The following ATF2 variants were observed in gnomAD, a reference collection of about 807,000 sequenced individuals.
The protein encoded by ATF2 is activating transcription factor 2, also known as cyclic AMP-dependent transcription factor ATF-2.
A neutral mutation model predicts 60.6 loss-of-function variants in ATF2; 24 were observed. That is an observed-to-expected ratio of 0.40 (90% CI 0.29 to 0.56). ATF2 has a LOEUF of 0.56. Among genes scored for constraint, ATF2 ranks in the 20% least tolerant of loss-of-function variants. The pLI is 0.54. For synonymous variants in ATF2, 206 were observed against 215.4 expected, an observed-to-expected ratio of 0.96 and a Z score of 0.38; for missense variants, 433 against 607.7, an observed-to-expected ratio of 0.71 and a Z score of 3.02.
At chr2:175,081,023 G>A (rs1277588848) in intron 12 of ATF2, among the ~76,000 whole-genome samples, 2 of 151,948 alleles carry the variant, frequency 1.3e-5, no homozygotes, top group African/African-American at 4.8e-5. Context: ...CCATTTCCCT[G>A]GGACTTCTTA....
At chr2:175,140,160 T>A (rs1338987430) in intron 2 of ATF2, among the ~76,000 whole-genome samples, 3 of 152,192 alleles carry the variant, frequency 2.0e-5, no homozygotes, top group East Asian at 1.9e-4. Flanking sequence ...CATTCTGGAA[T>A]GTTTACAATG....
intron 1 of ATF2, among the ~76,000 whole-genome samples, chr2:175,163,790 G>A (rs1229663479): frequency 6.6e-6 from 1 of 151,278 alleles, no homozygotes; most frequent in Non-Finnish European, 1.5e-5. Context: ...AGGTGTGGTG[G>A]CGGGCACCTG....
chr2:175,134,401 A>C (rs1697983068), intron 3 of ATF2, among the ~76,000 whole-genome samples: 2 of 152,118 alleles, frequency 1.3e-5, no homozygotes, highest in East Asian at 3.9e-4. Context: ...AAAAAAAACG[A>C]CTGATTTTCA....
chr2:175,105,972 C>T (rs902369419), intron 10 of ATF2, among the ~76,000 whole-genome samples: 4 of 151,896 alleles, frequency 2.6e-5, no homozygotes, highest in African/African-American at 9.7e-5. Context: ...AATTTGTGCA[C>T]AGAGGAAATT....
chr2:175,099,049 A>T (rs1242845782), intron 10 of ATF2, among the ~76,000 whole-genome samples: 1 of 151,872 alleles, frequency 6.6e-6, no homozygotes, highest in Non-Finnish European at 1.5e-5. Context: ...TTCTTGAGAT[A>T]TAAGTTACAC....
intron 10 of ATF2, among the ~76,000 whole-genome samples, 164 bp from the exon 11 acceptor site, chr2:175,097,757 A>G (rs2072537): frequency 0.055 from 8,420 of 152,246 alleles, 265 homozygotes; most frequent in East Asian, 0.12. Context: ...TGAGAAAATA[A>G]TAATAAAGGC....
intron 11 of ATF2, among the ~76,000 whole-genome samples, chr2:175,096,171 A>G (rs765597006): frequency 3.9e-5 from 6 of 152,256 alleles, no homozygotes; most frequent in Admixed American, 6.5e-5. Flanking sequence ...TCAAGTAAAG[A>G]TAAAAGGTCT....
chr2:175,160,632 A>G (rs1699962416), intron 1 of ATF2, among the ~76,000 whole-genome samples: 1 of 152,222 alleles, frequency 6.6e-6, no homozygotes, highest in East Asian at 1.9e-4. Flanking sequence ...TTGTATAATT[A>G]GCAGAGACTT....
chr2:175,165,363 T>C (rs1700285306), intron 1 of ATF2, among the ~76,000 whole-genome samples: 2 of 152,208 alleles, frequency 1.3e-5, no homozygotes, highest in South Asian at 4.1e-4. Context: ...GTATATTTCA[T>C]ATTGGAAGGA....
At position 175,075,034 on chromosome 2, in the gene ATF2, A is replaced by T. The variant is rs79907460; in HGVS notation, c.1292-199T>A. 748 of 1,445,296 alleles carry T rather than the reference A, an allele frequency of 5.2e-4. 2 individuals carry two copies. Among genetic ancestry groups the T allele is most frequent in the Non-Finnish European group, 6.4e-4 (697 of 1,096,740 alleles). The allele number at this position is 1,445,296 out of a possible 1,614,324, so 89.5% of individuals were successfully genotyped here. On this transcript the variant is annotated intron_variant, in intron 13 of 13. Coordinates refer to ENST00000264110, the MANE Select transcript of ATF2 (RefSeq NM_001880.4). Reference sequence around the variant, plus strand: ...GTCAAAAGAAGGCACAACCATGCATATGGAAACATCTGGGTGCCCACTGCC... The same window carrying T: ...GTCAAAAGAAGGCACAACCATGCATTTGGAAACATCTGGGTGCCCACTGCC...
intron 2 of ATF2, among the ~76,000 whole-genome samples, chr2:175,137,598 AT>A (rs1698227950): frequency 6.6e-6 from 1 of 152,118 alleles, no homozygotes; most frequent in Admixed American, 6.5e-5. Flanking sequence ...TGGAAGTACA[AT>A]TTTCAATTAA....
At chr2:175,141,049 A>ATG (rs1698500950) in intron 2 of ATF2, among the ~76,000 whole-genome samples, 1 of 126,818 alleles carries the variant, frequency 7.9e-6, no homozygotes, top group South Asian at 2.6e-4. Flanking sequence ...ATATATATAT[A>ATG]TATGTATATA....
chr2:175,154,412 A>G (rs747823252), intron 1 of ATF2, among the ~76,000 whole-genome samples: 11 of 151,876 alleles, frequency 7.2e-5, no homozygotes, highest in Non-Finnish European at 1.6e-4. Flanking sequence ...ATCACCTATG[A>G]TAACAACGCC....
At chr2:175,124,146 T>C (rs1300788869) in intron 4 of ATF2, among the ~76,000 whole-genome samples, 1 of 151,920 alleles carries the variant, frequency 6.6e-6, no homozygotes, top group Non-Finnish European at 1.5e-5. Flanking sequence ...ACATACTGAA[T>C]TCATAAACTG....
chr2:175,130,595 A>G (rs996335480), intron 3 of ATF2, among the ~76,000 whole-genome samples: 2 of 152,138 alleles, frequency 1.3e-5, no homozygotes, highest in Non-Finnish European at 1.5e-5. Flanking sequence ...CTCCAGTCCT[A>G]TATTCTAGTG....
chr2:175,106,200 C>T (rs1488853917), intron 10 of ATF2, among the ~76,000 whole-genome samples: 2 of 152,034 alleles, frequency 1.3e-5, no homozygotes, highest in South Asian at 2.1e-4. Context: ...AATATACGTA[C>T]CTCTCTCTCT....
At chr2:175,157,738 T>C (rs2105350348) in intron 1 of ATF2, among the ~76,000 whole-genome samples, 1 of 152,322 alleles carries the variant, frequency 6.6e-6, no homozygotes, top group Middle Eastern at 3.4e-3. Flanking sequence ...CTCATGCCTG[T>C]AATCCCAGCA....
intron 13 of ATF2, among the ~76,000 whole-genome samples, chr2:175,075,812 T>C (rs539248368): frequency 1.5e-4 from 23 of 152,304 alleles, no homozygotes; most frequent in African/African-American, 4.8e-4. Context: ...TTCTCTGCAG[T>C]TTTACCACAT....
intron 2 of ATF2, among the ~76,000 whole-genome samples, chr2:175,141,030 A>AAAAAAAAAT (rs1698491252): frequency 2.7e-5 from 1 of 37,596 alleles, no homozygotes; most frequent in Non-Finnish European, 4.4e-5. Flanking sequence ...AAAAAAAAAA[A>AAAAAAAAAT]ATATATATAT....
Sources: gnomAD v4.1 joint callset for allele counts (sites outside exome capture counted in the v4.1 genomes callset) on GRCh38, gnomAD v4.1.1 for gene constraint, MANE v1.5 for transcripts, NCBI Gene and HGNC (gene_info 2026-07-23, HGNC 2026-07-21) for gene names.